CDH10: variants seen among roughly 807,000 people sequenced by gnomAD.
The protein encoded by CDH10 is cadherin-10.
CDH10 carries 30 observed loss-of-function variants against 73.1 expected under a neutral mutation model. That is an observed-to-expected ratio of 0.41 (90% CI 0.31 to 0.56). The LOEUF (loss-of-function observed/expected upper bound fraction) is 0.56, where lower values mean the gene tolerates loss of function less well. Ranked by LOEUF, CDH10 falls within the 20% of genes least tolerant of loss-of-function variation. CDH10 has a pLI of 0.27. For synonymous variants in CDH10, 345 were observed against 348.2 expected, an observed-to-expected ratio of 0.99 and a Z score of 0.10; for missense variants, 815 against 973.7, an observed-to-expected ratio of 0.84 and a Z score of 2.17.
chr5:24,487,988 A>G lies in CDH10; in HGVS notation c.2042T>C (p.Ile681Thr), dbSNP rs2111608715. Residue 681 changes from isoleucine (I) to threonine (T), a missense_variant, in exon 12 of 12, where the codon ATT (isoleucine) becomes ACT (threonine). This residue lies in a region of CDH10 where 241 missense variants were observed against 240.3 expected (regional missense o/e 1.00). Transcript: ENST00000264463. Reference protein sequence around the residue: ...DIGTLRNPAAIEEKKLRRDII... With the variant: ...DIGTLRNPAATEEKKLRRDII... ...ATCTCGCCGGAGCTTTTTTTCCTCA[A>G]TGGCTGCAGGATTCCTCAGGGTGCC... The G allele has an allele frequency of 8.1e-6, 13 of 1,613,940 alleles. No homozygotes were observed. Among genetic ancestry groups the G allele is most frequent in the Non-Finnish European group, 1.0e-5 (12 of 1,179,958 alleles).
intron 9 of CDH10, among the ~76,000 whole-genome samples, chr5:24,497,651 C>T (rs916848665): frequency 3.9e-5 from 6 of 152,026 alleles, no homozygotes; most frequent in South Asian, 2.1e-4. Context: ...AATACAGTTT[C>T]GTGATGGTTC....
chr5:24,607,315 G>A (rs901362596), intron 1 of CDH10, among the ~76,000 whole-genome samples: 1 of 152,104 alleles, frequency 6.6e-6, no homozygotes, highest in Non-Finnish European at 1.5e-5. Flanking sequence ...GGGTGGGAGA[G>A]TTACTCTCAA....
chr5:24,615,257 T>C (rs1034284414), intron 1 of CDH10, among the ~76,000 whole-genome samples: 1 of 152,228 alleles, frequency 6.6e-6, no homozygotes, highest in African/African-American at 2.4e-5. Context: ...AAATCTCTTC[T>C]GCTCACTTTT....
intron 2 of CDH10, among the ~76,000 whole-genome samples, chr5:24,592,478 T>A (rs1185829057): frequency 6.6e-6 from 1 of 151,844 alleles, no homozygotes; most frequent in Non-Finnish European, 1.5e-5. Flanking sequence ...CAACTAAGCC[T>A]TTATCTAACT....
At chr5:24,542,793 T>C (rs1744204338) in intron 2 of CDH10, among the ~76,000 whole-genome samples, 2 of 152,250 alleles carry the variant, frequency 1.3e-5, no homozygotes, top group South Asian at 4.1e-4. Context: ...GGCTGTGTCT[T>C]CACATGGCAG....
chr5:24,574,209 A>AT (rs1385992539), intron 2 of CDH10, among the ~76,000 whole-genome samples: 1 of 152,104 alleles, frequency 6.6e-6, no homozygotes, highest in African/African-American at 2.4e-5. Context: ...TAACTTGAGT[A>AT]ATTGCATGCT....
chr5:24,496,694 G>A (rs112737335), intron 9 of CDH10, among the ~76,000 whole-genome samples: 4,452 of 152,166 alleles, frequency 0.029, 165 homozygotes, highest in African/African-American at 0.086. Context: ...AGTAACTAAA[G>A]CACACCTAGG....
intron 2 of CDH10, among the ~76,000 whole-genome samples, chr5:24,566,716 C>T (rs533128761): frequency 5.0e-4 from 76 of 152,050 alleles, no homozygotes; most frequent in African/African-American, 1.8e-3. Flanking sequence ...AATATATTTA[C>T]GTTCTAATGA....
rs535157837 is a variant in CDH10, at chr5:24,490,537, CCTTT to C, written c.1876+1035_1876+1038del. Among the ~76,000 whole-genome samples, 350 of 152,082 alleles carry C rather than the reference CCTTT, an allele frequency of 2.3e-3. 1 individual carries two copies. The highest frequency in any genetic ancestry group is 4.3e-3 in the Non-Finnish European group (295 of 67,962). ...TGATTTATCTACCATAAGTAATTTA[CCTTT>C]CTGTTATTTAAACACACAGTGAAAG... is the stretch of plus-strand genomic sequence containing the variant. On this transcript the variant is annotated intron_variant, in intron 11 of 11. Coordinates refer to ENST00000264463, the MANE Select transcript of CDH10 (RefSeq NM_006727.5).
intron 5 of CDH10, among the ~76,000 whole-genome samples, chr5:24,534,243 A>G (rs1375324680): frequency 1.3e-5 from 2 of 152,082 alleles, no homozygotes; most frequent in Non-Finnish European, 2.9e-5. Flanking sequence ...GGGGGGACCA[A>G]TTCAGAGGTT....
intron 1 of CDH10, among the ~76,000 whole-genome samples, chr5:24,637,488 T>G (rs1747903038): frequency 6.6e-6 from 1 of 151,924 alleles, no homozygotes; most frequent in Admixed American, 6.6e-5. Flanking sequence ...ATATTACATT[T>G]AATTATAAAT....
intron 2 of CDH10, among the ~76,000 whole-genome samples, chr5:24,591,537 T>C (rs1746199823): frequency 6.6e-6 from 1 of 151,928 alleles, no homozygotes; most frequent in South Asian, 2.1e-4. Context: ...TATATCAAGA[T>C]GCATATATAT....
At chr5:24,501,193 T>A (rs1742481290) in intron 8 of CDH10, among the ~76,000 whole-genome samples, 2 of 152,218 alleles carry the variant, frequency 1.3e-5, no homozygotes, top group African/African-American at 4.8e-5. Flanking sequence ...CAATTCACTT[T>A]CTAATGATGC....
At chr5:24,533,425 C>T (rs146241010) in intron 5 of CDH10, among the ~76,000 whole-genome samples, 8 of 151,886 alleles carry the variant, frequency 5.3e-5, no homozygotes, top group East Asian at 3.9e-4. Context: ...ACTATACATT[C>T]GGAGTTGGAG....
intron 1 of CDH10, among the ~76,000 whole-genome samples, chr5:24,633,523 T>G (rs1747771186): frequency 6.6e-6 from 1 of 151,850 alleles, no homozygotes; most frequent in Non-Finnish European, 1.5e-5. Context: ...TTTTACAAAA[T>G]GCAAAAATAA....
chr5:24,571,721 G>A (rs1298690466), intron 2 of CDH10, among the ~76,000 whole-genome samples: 1 of 151,924 alleles, frequency 6.6e-6, no homozygotes, highest in Non-Finnish European at 1.5e-5. Context: ...AAAAAATAAT[G>A]CTATGTATCA....
At chr5:24,569,412 AAAAT>A (rs1157533848) in intron 2 of CDH10, among the ~76,000 whole-genome samples, 2 of 152,112 alleles carry the variant, frequency 1.3e-5, no homozygotes, top group Non-Finnish European at 2.9e-5. Context: ...TTACAATAAT[AAAAT>A]AAATCATAGG....
At chr5:24,530,569 AC>A (rs1743703687) in intron 5 of CDH10, among the ~76,000 whole-genome samples, 1 of 152,148 alleles carries the variant, frequency 6.6e-6, no homozygotes, top group South Asian at 2.1e-4. Context: ...TTTTTCTAAC[AC>A]TAGCAAAATG....
At position 24,509,781 on chromosome 5, in the gene CDH10, T is replaced by A. The variant is rs2111754150; in HGVS notation, c.1041A>T (p.Lys347Asn). ...DYESRRLYTL[K>N]VEAENTHVDP... ...CTACATGGGTGTTTTCTGCTTCGACTTTCAGAGTATAAAGTCTTCGGCTCT... is the reference window on the plus strand; with the variant it reads ...CTACATGGGTGTTTTCTGCTTCGACATTCAGAGTATAAAGTCTTCGGCTCT... Residue 347 changes from lysine to asparagine, a missense_variant, in exon 7 of 12, where the codon AAA becomes AAT. Physicochemically the swap from Lys to Asn is moderately conservative, Grantham distance 94 (BLOSUM62 0). Transcript: ENST00000264463. 1 of 1,612,708 alleles carries A rather than the reference T, an allele frequency of 6.2e-7. No individual in the cohort carries two copies. The highest frequency in any genetic ancestry group is 2.2e-5 in the East Asian group (1 of 44,846).
Sources: gnomAD v4.1 joint callset for allele counts (sites outside exome capture counted in the v4.1 genomes callset) on GRCh38, gnomAD v4.1.1 for gene constraint, gnomAD v4.1.1 regional missense constraint, MANE v1.5 for transcripts, NCBI Gene and HGNC (gene_info 2026-07-23, HGNC 2026-07-21) for gene names.